ARHGAP29: variants seen among roughly 807,000 people sequenced by gnomAD.
The protein encoded by ARHGAP29 is rho GTPase-activating protein 29.
Under a neutral mutation model 122.6 loss-of-function variants are expected in ARHGAP29, and 43 were observed. The observed-to-expected ratio is 0.35, with a 90% CI of 0.27 to 0.45. ARHGAP29 has a LOEUF of 0.45. Ranked by LOEUF, ARHGAP29 falls within the 20% of genes least tolerant of loss-of-function variation. The pLI, the probability that ARHGAP29 is intolerant of heterozygous loss-of-function variation, is 1.00. For missense variants in ARHGAP29, 1,303 were observed against 1,477.2 expected, an observed-to-expected ratio of 0.88 and a Z score of 1.93; for synonymous variants, 506 against 497.1, an observed-to-expected ratio of 1.02 and a Z score of -0.24.
In ARHGAP29 at chr1:94,203,007, G is replaced by A; in HGVS notation, c.874-9C>T. 1 of 1,604,230 alleles carries A rather than the reference G, an allele frequency of 6.2e-7. No homozygotes were observed. ...TTCCTTCCAAGTAGAGGCTGTGAAA[G>A]GTATTTAAAATGGAAAAAGAGAAAA... On this transcript the variant is annotated splice_polypyrimidine_tract_variant and intron_variant, in intron 9 of 22. Coordinates refer to ENST00000260526, the MANE Select transcript of ARHGAP29 (RefSeq NM_004815.4).
rs935475681 is a variant in ARHGAP29, at chr1:94,173,364, T to C, written c.*505A>G. On this transcript the variant is annotated 3_prime_UTR_variant, in exon 23 of 23. Coordinates refer to ENST00000260526, the MANE Select transcript of ARHGAP29 (RefSeq NM_004815.4). ...AAAATAAGAGCTTACATACGTATCT[T>C]AAAAAAGCACAAATGGTGAAAGATG... The C allele has an allele frequency of 1.3e-5, 2 of 152,988 alleles. No individual in the cohort carries two copies. Among genetic ancestry groups the C allele is most frequent in the Non-Finnish European group, 2.9e-5 (2 of 68,308 alleles). The allele number at this position is 152,988 out of a possible 1,614,324, so 9.5% of individuals were successfully genotyped here.
At position 94,170,130 on chromosome 1, in the gene ARHGAP29, C is replaced by T. The variant is rs946244630; in HGVS notation, c.*3739G>A. Among the ~76,000 whole-genome samples, 2 of 152,152 alleles carry T rather than the reference C, an allele frequency of 1.3e-5. No homozygotes were observed. The highest frequency in any genetic ancestry group is 1.3e-4 in the Admixed American group (2 of 15,274). ...CGATGAGAAACAATACATTTACAAT[C>T]TTTAAGAATCTCCTCACAAATTACT... On this transcript the variant is annotated 3_prime_UTR_variant, in exon 23 of 23. Coordinates refer to ENST00000260526, the MANE Select transcript of ARHGAP29 (RefSeq NM_004815.4).
At chr1:94,232,359 T>C (rs1167967738) in intron 1 of ARHGAP29, among the ~76,000 whole-genome samples, 1 of 152,102 alleles carries the variant, frequency 6.6e-6, no homozygotes, top group Non-Finnish European at 1.5e-5. Flanking sequence ...TACATACATA[T>C]ACACAGACAC....
At chr1:94,229,831 A>C (rs1034034692) in intron 2 of ARHGAP29, among the ~76,000 whole-genome samples, 2 of 151,508 alleles carry the variant, frequency 1.3e-5, no homozygotes, top group African/African-American at 4.8e-5. Context: ...TTTTTTTTGG[A>C]GATAAGTAGT....
upstream of ARHGAP29, among the ~76,000 whole-genome samples, chr1:94,240,696 A>C (rs1009167079): frequency 1.6e-4 from 25 of 152,316 alleles, no homozygotes; most frequent in Middle Eastern, 3.4e-3. Context: ...TATTGCCTCT[A>C]GTATTTTTTC....
intron 12 of ARHGAP29, among the ~76,000 whole-genome samples, chr1:94,200,221 T>A (rs1197461200): frequency 6.6e-6 from 1 of 152,160 alleles, no homozygotes; most frequent in Non-Finnish European, 1.5e-5. Flanking sequence ...AGAAAATATA[T>A]GCAAGCTCAA....
intron 1 of ARHGAP29, among the ~76,000 whole-genome samples, chr1:94,252,479 G>T (rs921994593): frequency 6.6e-6 from 1 of 152,194 alleles, no homozygotes; most frequent in African/African-American, 2.4e-5. Flanking sequence ...ACCCTGTGCC[G>T]TAGAGGCAGG....
At chr1:94,288,758 C>A in the ARHGAP29 span, among the ~76,000 whole-genome samples, 5 of 152,128 alleles carry the variant, frequency 3.3e-5, no homozygotes, top group Non-Finnish European at 7.3e-5. Flanking sequence ...ATAGGGAATC[C>A]TTTCCCCATT....
intron 17 of ARHGAP29, 39 bp downstream of exon 17, chr1:94,185,303 A>G (rs1191126079): frequency 2.0e-6 from 3 of 1,517,110 alleles, no homozygotes; most frequent in Admixed American, 2.5e-5. Flanking sequence ...ATAAAACAAA[A>G]AGCATAAAAG....
At chr1:94,255,750 G>A (rs529731532) in intron 1 of ARHGAP29, among the ~76,000 whole-genome samples, 1 of 152,236 alleles carries the variant, frequency 6.6e-6, no homozygotes, top group South Asian at 2.1e-4. Flanking sequence ...TTTTCAGTGG[G>A]AGGAGATTGA....
intron 15 of ARHGAP29, among the ~76,000 whole-genome samples, 159 bp downstream of exon 15, chr1:94,188,678 C>CGA (rs1447868844): frequency 6.6e-6 from 1 of 151,830 alleles, no homozygotes; most frequent in African/African-American, 2.4e-5. Context: ...GCCTGGGTGG[C>CGA]GAATATATGA....
At chr1:94,302,258 G>A in the ARHGAP29 span, 10 of 246,438 alleles carry the variant, frequency 4.1e-5, no homozygotes, top group Non-Finnish European at 7.3e-5. Context: ...TTCCAGGAGG[G>A]AGATCCCACC....
the ARHGAP29 span, among the ~76,000 whole-genome samples, chr1:94,288,259 A>G: frequency 6.6e-6 from 1 of 152,108 alleles, no homozygotes; most frequent in African/African-American, 2.4e-5. Flanking sequence ...GATGATGAGC[A>G]TTTTTTCATA....
chr1:94,241,725 A>AATTATATATGATATATAATTTATAT (rs1653593756), upstream of ARHGAP29, among the ~76,000 whole-genome samples: 2 of 1,856 alleles, frequency 1.1e-3, no homozygotes, highest in Non-Finnish European at 2.4e-3. Context: ...ATTTATATAT[A>AATTATATATGATATATAATTTATAT]ATATATATTT....
intron 2 of ARHGAP29, among the ~76,000 whole-genome samples, chr1:94,230,505 CTTAAA>C (rs139362904): frequency 0.035 from 5,379 of 151,738 alleles, 148 homozygotes; most frequent in East Asian, 0.097. Flanking sequence ...GAAATTAACT[CTTAAA>C]TTTAGTACAA....
At chr1:94,223,145 T>C (rs1006427336) in intron 2 of ARHGAP29, among the ~76,000 whole-genome samples, 2 of 152,116 alleles carry the variant, frequency 1.3e-5, no homozygotes, top group Admixed American at 1.3e-4. Context: ...GGGGTTTCAC[T>C]GTGTTAGCCA....
At chr1:94,203,462 T>C (rs1650989428) in intron 8 of ARHGAP29, among the ~76,000 whole-genome samples, 1 of 152,156 alleles carries the variant, frequency 6.6e-6, no homozygotes, top group Non-Finnish European at 1.5e-5. Context: ...TGGCTGGGAA[T>C]AGTGACTCAT....
At chr1:94,217,857 AAAC>A (rs1188633658) in intron 3 of ARHGAP29, among the ~76,000 whole-genome samples, 10 of 6,514 alleles carry the variant, frequency 1.5e-3, no homozygotes, top group South Asian at 0.083. Flanking sequence ...TCTTAAAAAA[AAAC>A]AAAAAAAAAA....
At chr1:94,283,312 C>T in the ARHGAP29 span, among the ~76,000 whole-genome samples, 1 of 152,174 alleles carries the variant, frequency 6.6e-6, no homozygotes, top group Non-Finnish European at 1.5e-5. Flanking sequence ...TGAGGGGTAA[C>T]CTGGTTACCA....
Sources: allele counts gnomAD v4.1 joint callset (sites outside exome capture counted in the v4.1 genomes callset), GRCh38; gene constraint gnomAD v4.1.1; transcripts MANE v1.5; gene names NCBI Gene and HGNC (gene_info 2026-07-23, HGNC 2026-07-21).